Variants in LRTM1 observed in about 807,000 individuals in gnomAD.
LRTM1 encodes leucine rich repeat transmembrane protein 1, also known as leucine-rich repeat and transmembrane domain-containing protein 1.
LRTM1 carries 38 observed loss-of-function variants against 32.4 expected under a neutral mutation model. The ratio of observed to expected loss-of-function variants is 1.17; its 90% CI spans 0.91 to 1.54. LRTM1 has a LOEUF of 1.54. Ranked by LOEUF, LRTM1 falls within the 40% of genes most tolerant of loss-of-function variation. The pLI is 0.00. For missense variants in LRTM1, 466 were observed against 415.4 expected (o/e 1.12, Z -1.06); for synonymous variants, 186 against 169.9 (o/e 1.09, Z -0.74).
chr3:54,963,907 C>A (rs1452892169), intron 1 of LRTM1, among the ~76,000 whole-genome samples: 2 of 152,154 alleles, frequency 1.3e-5, no homozygotes, highest in African/African-American at 4.8e-5. Flanking sequence ...AAGAGGAAGT[C>A]TGGAAGGAAG....
chr3:54,956,567 C>T (rs1214103366), intron 1 of LRTM1, among the ~76,000 whole-genome samples: 1 of 152,138 alleles, frequency 6.6e-6, no homozygotes, highest in African/African-American at 2.4e-5. Flanking sequence ...ACTTTCTCCC[C>T]CACTCCCTCT....
intron 2 of LRTM1, among the ~76,000 whole-genome samples, chr3:54,923,310 C>T (rs1700906916): frequency 6.6e-6 from 1 of 152,128 alleles, no homozygotes; most frequent in Non-Finnish European, 1.5e-5. Context: ...TGTCTTGTCC[C>T]TCTTTTTGTC....
intron 2 of LRTM1, among the ~76,000 whole-genome samples, chr3:54,919,280 T>G (rs949734990): frequency 2.0e-5 from 3 of 152,246 alleles, no homozygotes; most frequent in Admixed American, 6.5e-5. Flanking sequence ...AGAAAACTTT[T>G]GTACCAGATT....
Position 54,944,814 on chromosome 3 carries a change from G to GGTGT in LRTM1, c.-221-19603_-221-19600dup, listed in dbSNP as rs34193625. ...TATATTGACTGTAGTTAGAGCTGGG[G>GGTGT]GTGTGTGTGTGTGTGTGTGTGTGTG... is the stretch of plus-strand genomic sequence containing the variant. On this transcript the variant is annotated intron_variant, in intron 1 of 2. Coordinates refer to the LRTM1 transcript ENST00000493075. Among the ~76,000 whole-genome samples, 341 of 111,398 alleles carry GGTGT rather than the reference G, an allele frequency of 3.1e-3. 1 individual carries two copies. Among genetic ancestry groups the GGTGT allele is most frequent in the African/African-American group, 8.5e-3 (196 of 23,116 alleles). 73.1% of individuals were successfully genotyped at this position (111,398 alleles called of 152,430 possible). A position where few individuals can be genotyped will look rare whatever the true frequency, so the allele number is the denominator to read the frequency against.
In LRTM1 at chr3:54,924,930, T is replaced by G. The variant is rs950857695; in HGVS notation, c.293A>C (p.Gln98Pro). The change falls in exon 2 of 3, where the codon CAG becomes CCG. Residue 98 changes from glutamine to proline, a missense_variant. Coordinates refer to ENST00000273286, the MANE Select transcript of LRTM1 (RefSeq NM_020678.4). ...NLAPGAFHGL[Q>P]HLQVLNLTQN... Reference sequence around the variant, plus strand: ...GGTTAGATTTAAAACCTGCAAGTGCTGAAGCCCATGGAAAGCTCCAGGGGC... The same window carrying G: ...GGTTAGATTTAAAACCTGCAAGTGCGGAAGCCCATGGAAAGCTCCAGGGGC... 39 of 1,612,474 alleles carry G rather than the reference T, an allele frequency of 2.4e-5. No individual in the cohort carries two copies. The highest frequency in any genetic ancestry group is 3.1e-5 in the Non-Finnish European group (36 of 1,178,694).
At chr3:54,949,365 A>C (rs902519696) in intron 1 of LRTM1, among the ~76,000 whole-genome samples, 1 of 152,200 alleles carries the variant, frequency 6.6e-6, no homozygotes, top group African/African-American at 2.4e-5. Flanking sequence ...AAAAGGGGAC[A>C]TGCCTGCTCA....
chr3:54,953,423 T>C (rs1409924475), intron 1 of LRTM1, among the ~76,000 whole-genome samples: 1 of 152,098 alleles, frequency 6.6e-6, no homozygotes, highest in Non-Finnish European at 1.5e-5. Flanking sequence ...GTGAGACTCA[T>C]GAAATTCCCC....
At position 54,936,593 on chromosome 3, in the gene LRTM1, C is replaced by T. The variant is rs184955598; in HGVS notation, c.-221-11378G>A. 5.3e-5 allele frequency among the ~76,000 whole-genome samples: 8 copies of T among 152,270 alleles called. No homozygotes were observed. In the East Asian group the frequency reaches 1.5e-3, roughly 29 times the overall value. On this transcript the variant is annotated intron_variant, in intron 1 of 2. Coordinates refer to the LRTM1 transcript ENST00000493075. ...CCTTCTGGTGCAATAGTGATGTTCT[C>T]ATCTTTTCTTTTAATTCAAAAATCC...
intron 1 of LRTM1, among the ~76,000 whole-genome samples, chr3:54,943,203 TAAAAAA>T (rs34708598): frequency 1.4e-5 from 2 of 142,118 alleles, no homozygotes; most frequent in Non-Finnish European, 3.1e-5. Context: ...CTATCTCTGG[TAAAAAA>T]AAAAAAAATG....
chr3:54,956,967 ACTTT>A (rs1701913660), intron 1 of LRTM1, among the ~76,000 whole-genome samples: 1 of 152,060 alleles, frequency 6.6e-6, no homozygotes, highest in South Asian at 2.1e-4. Context: ...GAGGCCCATA[ACTTT>A]CTTCTATGAC....
intron 1 of LRTM1, among the ~76,000 whole-genome samples, chr3:54,956,967 A>G (rs1474007802): frequency 6.6e-6 from 1 of 152,060 alleles, no homozygotes; most frequent in Non-Finnish European, 1.5e-5. Context: ...GAGGCCCATA[A>G]CTTTCTTCTA....
Position 54,918,283 on chromosome 3 carries a change from C to T in LRTM1, c.*176G>A, listed in dbSNP as rs2106921654. On this transcript the variant is annotated 3_prime_UTR_variant, in exon 3 of 3. Coordinates refer to ENST00000273286, the MANE Select transcript of LRTM1 (RefSeq NM_020678.4). ...ACCTATAGTATTTTAAAAATCGCAA[C>T]ATAAATTCCTCCCCAGAAATATTTT... is the stretch of plus-strand genomic sequence containing the variant. 1.5e-6 allele frequency: 1 copy of T among 658,670 alleles called. No homozygotes were observed. Among genetic ancestry groups the T allele is most frequent in the South Asian group, 2.1e-5 (1 of 48,014 alleles). The allele number at this position is 658,670 out of a possible 1,614,324, so 40.8% of individuals were successfully genotyped here.
chr3:54,931,304 G>T (rs1481668475), upstream of LRTM1, among the ~76,000 whole-genome samples: 1 of 152,178 alleles, frequency 6.6e-6, no homozygotes, highest in Non-Finnish European at 1.5e-5. Context: ...CCAATTGGGG[G>T]TTAAAAGATG....
At chr3:54,941,482 TC>T (rs1701464161) in intron 1 of LRTM1, among the ~76,000 whole-genome samples, 1 of 152,150 alleles carries the variant, frequency 6.6e-6, no homozygotes, top group South Asian at 2.1e-4. Flanking sequence ...TCTGTCGTTT[TC>T]CCCCTCCATT....
intron 1 of LRTM1, among the ~76,000 whole-genome samples, chr3:54,947,313 G>A (rs992625563): frequency 6.6e-6 from 1 of 152,144 alleles, no homozygotes; most frequent in Non-Finnish European, 1.5e-5. Context: ...GAAAAGGGTG[G>A]AATAATCTTC....
upstream of LRTM1, among the ~76,000 whole-genome samples, chr3:54,929,277 C>T (rs1217965245): frequency 5.9e-5 from 9 of 152,156 alleles, no homozygotes; most frequent in African/African-American, 1.2e-4. Flanking sequence ...CGACATGGCC[C>T]AGAGTGTCTT....
At chr3:54,921,007 G>C (rs1373413630) in intron 2 of LRTM1, among the ~76,000 whole-genome samples, 1 of 152,192 alleles carries the variant, frequency 6.6e-6, no homozygotes, top group African/African-American at 2.4e-5. Context: ...CTCCTGTGCA[G>C]GTGATCCTCA....
intron 1 of LRTM1, among the ~76,000 whole-genome samples, chr3:54,942,488 T>C (rs892505490): frequency 1.3e-5 from 2 of 152,258 alleles, no homozygotes; most frequent in Admixed American, 6.5e-5. Context: ...GCTGATTATA[T>C]GCTCCTCTTA....
chr3:54,941,572 A>T (rs181605248), intron 1 of LRTM1, among the ~76,000 whole-genome samples: 135 of 152,304 alleles, frequency 8.9e-4, no homozygotes, highest in Non-Finnish European at 3.5e-4. Context: ...GGGTTTTTCA[A>T]TATCTATCAT....
Sources: allele counts gnomAD v4.1 joint callset (sites outside exome capture counted in the v4.1 genomes callset), GRCh38; gene constraint gnomAD v4.1.1; transcripts MANE v1.5; gene names NCBI Gene and HGNC (gene_info 2026-07-23, HGNC 2026-07-21).